C3orf70: variants seen among roughly 807,000 people sequenced by gnomAD.
C3orf70 encodes the protein UPF0524 protein C3orf70.
Under a neutral mutation model 20.7 loss-of-function variants are expected in C3orf70, and 15 were observed. The observed-to-expected ratio is 0.72, with a 90% CI of 0.48 to 1.11. The LOEUF (loss-of-function observed/expected upper bound fraction) is 1.11, where lower values mean the gene tolerates loss of function less well. Ranked by LOEUF, C3orf70 falls within the 50% of genes most tolerant of loss-of-function variation. The pLI is 0.00. For synonymous variants in C3orf70, 161 were observed against 125.7 expected (o/e 1.28, Z -1.88); for missense variants, 332 against 317.6 (o/e 1.05, Z -0.34).
chr3:185,097,381 A>C (rs1715730845), intron 1 of C3orf70, among the ~76,000 whole-genome samples: 1 of 152,222 alleles, frequency 6.6e-6, no homozygotes, highest in Non-Finnish European at 1.5e-5. Flanking sequence ...TGTTACTTGA[A>C]TATTCTATCT....
intron 1 of C3orf70, among the ~76,000 whole-genome samples, chr3:185,092,637 G>A (rs1037668651): frequency 6.6e-6 from 1 of 152,164 alleles, no homozygotes; most frequent in Non-Finnish European, 1.5e-5. Flanking sequence ...AGATATAAAT[G>A]ATTAAAACCA....
chr3:185,152,642 A>C lies in C3orf70; in HGVS notation c.182T>G (p.Leu61Arg). Residue 61 changes from leucine to arginine, a missense_variant, in exon 1 of 2, where the codon CTA becomes CGA. By Grantham distance (102) the Leu-to-Arg change is moderately radical. Coordinates refer to ENST00000335012, the MANE Select transcript of C3orf70 (RefSeq NM_001025266.3). ...GCTCGACTTACAGTGACACCATCCT[A>C]GGTGACAGCACCAGTGCAGCTTGAA... ...KCFKLHWCCHLGWCHCKYMYQ... is the reference protein window; with the variant it reads ...KCFKLHWCCHRGWCHCKYMYQ... 2 of 1,581,326 alleles carry C rather than the reference A, an allele frequency of 1.3e-6. No individual in the cohort carries two copies. Among genetic ancestry groups the C allele is most frequent in the Non-Finnish European group, 1.7e-6 (2 of 1,163,994 alleles).
Position 185,152,813 on chromosome 3 carries a change from G to A in C3orf70, c.11C>T (p.Ala4Val), listed in dbSNP as rs773680052. The A allele has an allele frequency of 8.3e-6, 13 of 1,559,480 alleles. No individual in the cohort carries two copies. Among genetic ancestry groups the A allele is most frequent in the African/African-American group, 1.4e-5 (1 of 70,962 alleles). MSA[A>V]ASPASERGWK... ...ACCCCGCTCCGACGCCGGCGAGGCCGCCGCACTCATTTCCTCTCCCTCCGC... is the reference window on the plus strand; with the variant it reads ...ACCCCGCTCCGACGCCGGCGAGGCCACCGCACTCATTTCCTCTCCCTCCGC... Residue 4 changes from alanine (A) to valine (V), a missense_variant, in exon 1 of 2, where the codon GCG (alanine) becomes GTG (valine). Coordinates refer to ENST00000335012, the MANE Select transcript of C3orf70 (RefSeq NM_001025266.3).
intron 1 of C3orf70, among the ~76,000 whole-genome samples, chr3:185,109,210 T>G (rs1716009863): frequency 6.6e-6 from 1 of 152,226 alleles, no homozygotes; most frequent in Non-Finnish European, 1.5e-5. Flanking sequence ...GGCCAGATGT[T>G]ATCAGCAGCT....
intron 1 of C3orf70, among the ~76,000 whole-genome samples, chr3:185,085,062 A>C (rs1017557313): frequency 1.3e-5 from 2 of 152,164 alleles, no homozygotes; most frequent in Non-Finnish European, 2.9e-5. Context: ...ACTAGATGCC[A>C]GTAGCAGCTC....
At position 185,148,775 on chromosome 3, in the gene C3orf70, C is replaced by T. The variant is rs572450364; in HGVS notation, c.196+3853G>A. On this transcript the variant is annotated intron_variant, in intron 1 of 1. Transcript: ENST00000335012. ...AGTGATACCAACAGAACATATGATG[C>T]TTTCCTCCCAGGCAACATCCTCAAA... 1.4e-4 allele frequency among the ~76,000 whole-genome samples: 21 copies of T among 152,304 alleles called. No homozygotes were observed. The East Asian group carries it at 3.3e-3, about 24-fold the overall frequency.
intron 1 of C3orf70, among the ~76,000 whole-genome samples, chr3:185,098,626 G>GA (rs556854364): frequency 6.6e-6 from 1 of 151,074 alleles, no homozygotes; most frequent in Non-Finnish European, 1.5e-5. Flanking sequence ...AATCCACAGA[G>GA]AAAAAAATGT....
intron 1 of C3orf70, among the ~76,000 whole-genome samples, chr3:185,117,424 C>T (rs892970113): frequency 2.3e-5 from 3 of 129,784 alleles, no homozygotes. Context: ...CACATACACA[C>T]ACACACACAC....
rs1057252214 is a variant in C3orf70, at chr3:185,077,897, C to G, written c.*5110G>C. On this transcript the variant is annotated 3_prime_UTR_variant, in exon 2 of 2. Coordinates refer to ENST00000335012, the MANE Select transcript of C3orf70 (RefSeq NM_001025266.3). ...AGATACTGCGGACAGTACAGTTTAT[C>G]TGCACCTCATTGAGGTCTTGTAAAG... Among the ~76,000 whole-genome samples, 9 of 151,244 alleles carry G rather than the reference C, an allele frequency of 6.0e-5. No individual in the cohort carries two copies. The highest frequency in any genetic ancestry group is 8.8e-5 in the Non-Finnish European group (6 of 67,964).
chr3:185,110,513 T>G (rs933513799), intron 1 of C3orf70, among the ~76,000 whole-genome samples: 1 of 151,968 alleles, frequency 6.6e-6, no homozygotes, highest in African/African-American at 2.4e-5. Context: ...TTTATTGATT[T>G]GCAAATCGAA....
chr3:185,094,657 A>AT (rs1292114532), intron 1 of C3orf70, among the ~76,000 whole-genome samples: 3 of 151,494 alleles, frequency 2.0e-5, no homozygotes, highest in African/African-American at 7.3e-5. Context: ...CTTCTGGTAG[A>AT]TTAAAAAAAA....
At position 185,091,937 on chromosome 3, in the gene C3orf70, ATATATATATATATATATATATATATATT is replaced by A. The variant is rs1359267136; in HGVS notation, c.197-8402_197-8375del. On this transcript the variant is annotated intron_variant, in intron 1 of 1. Coordinates refer to ENST00000335012, the MANE Select transcript of C3orf70 (RefSeq NM_001025266.3). ...CATATATATATATATATATATATATATATATATATATATATATATATATATATTTTTTTTTTTTTTTAGTAGAGACAGG... is the reference window on the plus strand; with the variant it reads ...CATATATATATATATATATATATATATTTTTTTTTTTTTAGTAGAGACAGG... 6.3e-3 allele frequency among the ~76,000 whole-genome samples: 70 copies of A among 11,048 alleles called. 6 individuals carry two copies. Among genetic ancestry groups the A allele is most frequent in the African/African-American group, 0.019 (57 of 3,036 alleles). 7.2% of individuals were successfully genotyped at this position (11,048 alleles called of 152,430 possible). A position where few individuals can be genotyped will look rare whatever the true frequency, so the allele number is the denominator to read the frequency against.
intron 1 of C3orf70, among the ~76,000 whole-genome samples, chr3:185,110,202 G>T (rs1190872734): frequency 2.0e-5 from 3 of 152,080 alleles, no homozygotes; most frequent in Non-Finnish European, 4.4e-5. Flanking sequence ...ATTTGGTAAA[G>T]AATAAAAAAG....
intron 1 of C3orf70, among the ~76,000 whole-genome samples, chr3:185,106,831 GTTTAAA>G (rs1393504199): frequency 6.6e-6 from 1 of 152,264 alleles, no homozygotes; most frequent in Non-Finnish European, 1.5e-5. Context: ...GGAAGGTCTA[GTTTAAA>G]TTTAAAAGGA....
rs1561319373 is a variant in C3orf70, at chr3:185,079,291, A to AT, written c.*3715_*3716insA. 84 of 150,688 alleles carry AT rather than the reference A, an allele frequency of 5.6e-4. No individual in the cohort carries two copies. Among genetic ancestry groups the AT allele is most frequent in the African/African-American group, 2.0e-3 (82 of 41,218 alleles). 9.3% of individuals were successfully genotyped at this position (150,688 alleles called of 1,614,324 possible). A position where few individuals can be genotyped will look rare whatever the true frequency, so the allele number is the denominator to read the frequency against. On this transcript the variant is annotated 3_prime_UTR_variant, in exon 2 of 2. Transcript: ENST00000335012. ...GCGAGACTCTGTCTCAAAAAAAAAA[A>AT]AAAAAAAAAAAAAGTAAAGCCACCA...
intron 1 of C3orf70, among the ~76,000 whole-genome samples, chr3:185,138,756 A>G (rs890663403): frequency 7.9e-5 from 12 of 152,156 alleles, no homozygotes; most frequent in African/African-American, 2.9e-4. Flanking sequence ...AACTTCCTCA[A>G]CTTGATAAAG....
In C3orf70 at chr3:185,152,779, G is replaced by A; in HGVS notation, c.45C>T (p.Ser15=). ...ASPASERGWK[S]EKLDEAQALA... ...GGGCCTGAGCCTCATCTAGTTTCTC[G>A]CTCTTCCAACCCCGCTCCGACGCCG... The change falls in exon 1 of 2, where the codon AGC becomes AGT. Residue 15 remains serine, a synonymous_variant. Coordinates refer to ENST00000335012, the MANE Select transcript of C3orf70 (RefSeq NM_001025266.3). 6.3e-7 allele frequency: 1 copy of A among 1,579,170 alleles called. No individual in the cohort carries two copies. The highest frequency in any genetic ancestry group is 1.8e-5 in the Admixed American group (1 of 56,192).
At chr3:185,083,688 A>G (rs1455732210) in intron 1 of C3orf70, 125 bp from the exon 2 acceptor site, 1 of 749,960 alleles carries the variant, frequency 1.3e-6, no homozygotes, top group African/African-American at 1.8e-5. Context: ...GAAACTAGTA[A>G]TAAAATCATT....
chr3:185,129,707 G>C (rs1278642877), intron 1 of C3orf70, among the ~76,000 whole-genome samples: 1 of 152,162 alleles, frequency 6.6e-6, no homozygotes, highest in Non-Finnish European at 1.5e-5. Context: ...TTTCTCTGCA[G>C]CCTCACCAAC....
Sources: allele counts gnomAD v4.1 joint callset (sites outside exome capture counted in the v4.1 genomes callset), GRCh38; gene constraint gnomAD v4.1.1; transcripts MANE v1.5; gene names NCBI Gene and HGNC (gene_info 2026-07-23, HGNC 2026-07-21).